ABCB1: variants seen among roughly 807,000 people sequenced by gnomAD.
The protein encoded by ABCB1 is ATP binding cassette subfamily B member 1.
A neutral mutation model predicts 142.0 loss-of-function variants in ABCB1; 69 were observed. That is an observed-to-expected ratio of 0.49 (90% confidence interval 0.40 to 0.59). ABCB1 has a LOEUF of 0.59. ABCB1 is among the 20% of genes least tolerant of loss of function. ABCB1 has a pLI of 0.00. For synonymous variants in ABCB1, 532 were observed against 539.2 expected (o/e 0.99, Z 0.18); for missense variants, 1,326 against 1,554.7 (o/e 0.85, Z 2.47).
At chr7:87,610,107 T>C (rs1819796056) in intron 1 of ABCB1, among the ~76,000 whole-genome samples, 1 of 152,206 alleles carries the variant, frequency 6.6e-6, no homozygotes, top group Admixed American at 6.5e-5. Flanking sequence ...TTTGTAATTC[T>C]GCCAAATATT....
chr7:87,545,383 T>C (rs959404083), intron 15 of ABCB1, among the ~76,000 whole-genome samples: 2 of 152,264 alleles, frequency 1.3e-5, no homozygotes, highest in African/African-American at 4.8e-5. Context: ...AGAAGCCATG[T>C]TAACAAATGT....
chr7:87,589,278 T>C (rs1246225730), intron 3 of ABCB1, among the ~76,000 whole-genome samples: 1 of 152,144 alleles, frequency 6.6e-6, no homozygotes, highest in Admixed American at 6.5e-5. Flanking sequence ...CTTACATAGC[T>C]GTTATGAGGG....
intron 1 of ABCB1, among the ~76,000 whole-genome samples, chr7:87,646,500 G>A (rs1823018663): frequency 6.6e-6 from 1 of 152,042 alleles, no homozygotes; most frequent in Non-Finnish European, 1.5e-5. Context: ...ATCTTAAATG[G>A]CATAATTTTT....
rs989394474 is a variant in ABCB1 at position 87,565,764 on chromosome 7, G to T, written c.702+306C>A. 2.5e-3 allele frequency among the ~76,000 whole-genome samples: 364 copies of T among 148,298 alleles called. 1 individual carries two copies. The highest frequency in any genetic ancestry group is 4.2e-3 in the Non-Finnish European group (284 of 66,886). On this transcript the variant is annotated intron_variant, in intron 7 of 27. Coordinates refer to ENST00000622132, the MANE Select transcript of ABCB1 (RefSeq NM_001348946.2). ...TTTGGAGTTCAAGTTTTTTTTTTTT[G>T]TTTTGTTTTTGTTTTTGTTTGTTTA...
At chr7:87,583,277 A>C (rs943132088) in intron 4 of ABCB1, among the ~76,000 whole-genome samples, 1 of 152,242 alleles carries the variant, frequency 6.6e-6, no homozygotes, top group Non-Finnish European at 1.5e-5. Flanking sequence ...TATCCAACTT[A>C]ATAACTAAAG....
chr7:87,702,329 A>G (rs537300392), intron 1 of ABCB1, among the ~76,000 whole-genome samples: 4 of 151,616 alleles, frequency 2.6e-5, no homozygotes, highest in African/African-American at 9.7e-5. Flanking sequence ...CCCAGGTTGG[A>G]GTACAGTGGT....
chr7:87,532,942 C>G (rs1425570100), intron 20 of ABCB1, among the ~76,000 whole-genome samples: 2 of 152,106 alleles, frequency 1.3e-5, no homozygotes, highest in Non-Finnish European at 2.9e-5. Flanking sequence ...CTGATATAAA[C>G]ACCAGACTAG....
At chr7:87,618,641 G>GT (rs1391536544) in intron 1 of ABCB1, among the ~76,000 whole-genome samples, 9 of 152,070 alleles carry the variant, frequency 5.9e-5, no homozygotes, top group Admixed American at 4.6e-4. Flanking sequence ...TGGCTCCCTG[G>GT]TATTACTCCT....
intron 4 of ABCB1, among the ~76,000 whole-genome samples, chr7:87,579,797 A>AT (rs1818431892): frequency 6.6e-6 from 1 of 151,854 alleles, no homozygotes; most frequent in South Asian, 2.1e-4. Context: ...CTTGCTTTTA[A>AT]TTTTTTATGT....
rs184257976 is a variant in ABCB1 at position 87,570,072 on chromosome 7, C to T, written c.338+100G>A. On this transcript the variant is annotated intron_variant, in intron 5 of 27. Coordinates refer to ENST00000622132, the MANE Select transcript of ABCB1 (RefSeq NM_001348946.2). Reference sequence around the variant, plus strand: ...TCTAAAAACTATCAAGAGTATTGTTCTCCTTAAAATTTCTGTGATGATAAT... The same window carrying T: ...TCTAAAAACTATCAAGAGTATTGTTTTCCTTAAAATTTCTGTGATGATAAT... 60 of 1,048,054 alleles carry T rather than the reference C, an allele frequency of 5.7e-5. No individual in the cohort carries two copies. The African/African-American group carries it at 8.2e-4, about 14-fold the overall frequency. The allele number at this position is 1,048,054 out of a possible 1,614,324, so 64.9% of individuals were successfully genotyped here. A position where few individuals can be genotyped will look rare whatever the true frequency, so the allele number is the denominator to read the frequency against.
intron 1 of ABCB1, among the ~76,000 whole-genome samples, chr7:87,632,321 G>T (rs1037068474): frequency 6.6e-6 from 1 of 152,284 alleles, no homozygotes; most frequent in Middle Eastern, 3.4e-3. Context: ...GTTTAGATAG[G>T]TAAGATAATC....
rs116174997 is a variant in ABCB1, at chr7:87,673,625, C to T, written c.-331+39536G>A. On this transcript the variant is annotated intron_variant, in intron 1 of 28. Coordinates refer to the ABCB1 transcript ENST00000265724. ...GGCTTCTGTATCCGTTTGTCATATTCCTTAGATTCCTTGGATTGAGCTTTG... is the reference window on the plus strand; with the variant it reads ...GGCTTCTGTATCCGTTTGTCATATTTCTTAGATTCCTTGGATTGAGCTTTG... 4.8e-3 allele frequency among the ~76,000 whole-genome samples: 730 copies of T among 152,294 alleles called. 6 individuals are homozygous for T. Among genetic ancestry groups the T allele is most frequent in the African/African-American group, 0.017 (693 of 41,562 alleles).
At chr7:87,625,146 A>C (rs1246273139) in intron 1 of ABCB1, among the ~76,000 whole-genome samples, 1 of 151,792 alleles carries the variant, frequency 6.6e-6, no homozygotes, top group Non-Finnish European at 1.5e-5. Flanking sequence ...AGTCCCAGCG[A>C]CTCGGGAGGC....
rs764597620 is a variant in ABCB1, at chr7:87,536,425, T to TA, written c.2481+32dup. On this transcript the variant is annotated intron_variant, in intron 20 of 27. Transcript: ENST00000622132. ...CATGCTGGGGTCCAAAATGGCCAATTAAGACAAACACCAGTAGAAAGGAGG... is the reference window on the plus strand; with the variant it reads ...CATGCTGGGGTCCAAAATGGCCAATTAAAGACAAACACCAGTAGAAAGGAGG... The TA allele has an allele frequency of 2.1e-5, 34 of 1,611,172 alleles. No individual in the cohort carries two copies. The African/African-American group carries it at 2.9e-4, about 14-fold the overall frequency.
intron 22 of ABCB1, among the ~76,000 whole-genome samples, 168 bp downstream of exon 22, chr7:87,520,608 G>C (rs1815457119): frequency 1.3e-5 from 2 of 152,144 alleles, no homozygotes; most frequent in Non-Finnish European, 1.5e-5. Flanking sequence ...CCTTAGTTCA[G>C]GGTCTTGTAC....
intron 4 of ABCB1, among the ~76,000 whole-genome samples, chr7:87,578,561 A>T (rs1818369024): frequency 6.6e-6 from 1 of 151,686 alleles, no homozygotes; most frequent in Admixed American, 6.6e-5. Flanking sequence ...GTATCTTTCC[A>T]TTTTTTGTGT....
intron 17 of ABCB1, among the ~76,000 whole-genome samples, chr7:87,542,695 C>T (rs757695382): frequency 3.9e-5 from 6 of 151,956 alleles, no homozygotes; most frequent in Non-Finnish European, 8.8e-5. Flanking sequence ...ACAGTCTACC[C>T]CCGCCAACCC....
intron 27 of ABCB1, 133 bp downstream of exon 27, chr7:87,505,764 T>A (rs1563024694): frequency 4.6e-6 from 5 of 1,085,030 alleles, no homozygotes; most frequent in Admixed American, 1.9e-5. Flanking sequence ...CTACAGAAAG[T>A]GTTTACATTT....
intron 20 of ABCB1, among the ~76,000 whole-genome samples, chr7:87,532,166 G>C (rs1334650603): frequency 6.6e-6 from 1 of 152,062 alleles, no homozygotes; most frequent in East Asian, 1.9e-4. Context: ...CAAAAGTCAA[G>C]CTACAAAGTC....
Sources: allele counts gnomAD v4.1 joint callset (sites outside exome capture counted in the v4.1 genomes callset), GRCh38; gene constraint gnomAD v4.1.1; transcripts MANE v1.5; gene names NCBI Gene and HGNC (gene_info 2026-07-23, HGNC 2026-07-21).